Variants in SUGCT observed in about 807,000 individuals in gnomAD.
The protein encoded by SUGCT is succinyl-CoA:glutarate CoA-transferase.
SUGCT carries 41 observed loss-of-function variants against 55.0 expected under a neutral mutation model. That is an observed-to-expected ratio of 0.74 (90% CI 0.58 to 0.97). The LOEUF is 0.97. SUGCT is among the 50% of genes least tolerant of loss of function. The pLI is 0.00. For missense variants in SUGCT, 568 were observed against 547.8 expected (o/e 1.04, Z -0.37); for synonymous variants, 187 against 200.4 (o/e 0.93, Z 0.56).
At chr7:40,755,345 G>A (rs568813536) in intron 13 of SUGCT, among the ~76,000 whole-genome samples, 34 of 152,266 alleles carry the variant, frequency 2.2e-4, no homozygotes, top group African/African-American at 7.5e-4. Context: ...TTTAAACTGT[G>A]AAATTGATAG....
chr7:40,237,573 A>G lies in SUGCT; in HGVS notation c.485-62A>G, dbSNP rs557022633. ...GATACAAATGTTTCTAACACACTAT[A>G]TTGTACAGTGGTTTTAGCACACCCT... On this transcript the variant is annotated intron_variant, in intron 6 of 13. Coordinates refer to ENST00000335693, the MANE Select transcript of SUGCT (RefSeq NM_001193313.2). The G allele has an allele frequency of 3.6e-5, 44 of 1,215,620 alleles. No homozygotes were observed. The East Asian group carries it at 1.0e-3, about 28-fold the overall frequency. 75.3% of individuals were successfully genotyped at this position (1,215,620 alleles called of 1,614,324 possible). A position where few individuals can be genotyped will look rare whatever the true frequency, so the allele number is the denominator to read the frequency against.
chr7:40,244,512 GTTCAGAAGATGT>G (rs1458519050), intron 7 of SUGCT, among the ~76,000 whole-genome samples: 1 of 152,208 alleles, frequency 6.6e-6, no homozygotes, highest in Non-Finnish European at 1.5e-5. Flanking sequence ...TCAAAGTGAA[GTTCAGAAGATGT>G]TTCAGAAGGG....
At chr7:40,180,824 G>A (rs1785154470) in intron 1 of SUGCT, 123 bp from the exon 2 acceptor site, 1 of 733,008 alleles carries the variant, frequency 1.4e-6, no homozygotes, top group Non-Finnish European at 2.3e-6. Context: ...CTTGTGGTCT[G>A]TGGACTCCCT....
intron 9 of SUGCT, among the ~76,000 whole-genome samples, chr7:40,382,359 G>C (rs1784915586): frequency 6.6e-6 from 1 of 152,126 alleles, no homozygotes; most frequent in African/African-American, 2.4e-5. Flanking sequence ...AATTTGAAGT[G>C]AGCTTAGCTC....
At chr7:40,777,723 C>CA (rs1554419374) in intron 13 of SUGCT, among the ~76,000 whole-genome samples, 1 of 151,774 alleles carries the variant, frequency 6.6e-6, no homozygotes, top group Admixed American at 6.6e-5. Context: ...CTTTGGGGGC[C>CA]TTTTTTTTCT....
chr7:40,143,916 G>A (rs568603770), intron 1 of SUGCT, among the ~76,000 whole-genome samples: 1 of 152,332 alleles, frequency 6.6e-6, no homozygotes, highest in East Asian at 1.9e-4. Flanking sequence ...ATAATAACCT[G>A]TATTGGAATG....
At chr7:40,241,585 A>AC (rs1789395922) in intron 7 of SUGCT, among the ~76,000 whole-genome samples, 1 of 151,854 alleles carries the variant, frequency 6.6e-6, no homozygotes, top group Non-Finnish European at 1.5e-5. Flanking sequence ...TCTCAAAAAA[A>AC]AAAAAAAAAG....
At chr7:40,686,522 A>T (rs1784472301) in intron 12 of SUGCT, among the ~76,000 whole-genome samples, 1 of 152,204 alleles carries the variant, frequency 6.6e-6, no homozygotes, top group South Asian at 2.1e-4. Context: ...CGTGGCATTG[A>T]TAAGCTGACT....
At chr7:40,459,057 G>A (rs1789642806) in intron 10 of SUGCT, 44 bp from the exon 11 acceptor site, 2 of 1,323,664 alleles carry the variant, frequency 1.5e-6, no homozygotes, top group South Asian at 2.4e-5. Flanking sequence ...GCAGGTACAA[G>A]AACTACCTAT....
At chr7:40,984,456 C>T in the SUGCT span, among the ~76,000 whole-genome samples, 22 of 152,206 alleles carry the variant, frequency 1.4e-4, no homozygotes, top group South Asian at 2.1e-3. Context: ...GTGATGAAGC[C>T]AGACTGATCT....
chr7:40,553,179 T>C (rs1795387374), intron 12 of SUGCT, among the ~76,000 whole-genome samples: 1 of 152,236 alleles, frequency 6.6e-6, no homozygotes, highest in South Asian at 2.1e-4. Context: ...TTTACTTTTG[T>C]CATGCTGTAT....
At chr7:40,448,944 G>GTA (rs1789021406) in intron 9 of SUGCT, among the ~76,000 whole-genome samples, 1 of 148,202 alleles carries the variant, frequency 6.7e-6, no homozygotes, top group African/African-American at 2.6e-5. Flanking sequence ...GTGTGTGTGT[G>GTA]TGTGTGTATA....
rs759926043 is a variant in SUGCT, at chr7:40,578,062, C to T, written c.1089+81676C>T. The stretch of plus-strand genomic sequence containing the variant: ...GACATAGATTTCTCCATTACTCTAA[C>T]ACATTGGTTCTCAAACCTTAGTTTA... On this transcript the variant is annotated intron_variant, in intron 12 of 13. Transcript: ENST00000335693. Among the ~76,000 whole-genome samples the T allele has an allele frequency of 1.7e-4, 26 of 152,172 alleles. 1 individual carries two copies. Among genetic ancestry groups the T allele is most frequent in the Non-Finnish European group, 3.4e-4 (23 of 68,046 alleles).
intron 13 of SUGCT, among the ~76,000 whole-genome samples, chr7:40,858,640 A>G (rs193238420): frequency 1.7e-4 from 26 of 152,296 alleles, no homozygotes; most frequent in Middle Eastern, 6.8e-3. Flanking sequence ...TAAGGGTCAG[A>G]TGCCTAAACC....
chr7:40,283,261 C>T (rs1793090736), intron 8 of SUGCT, among the ~76,000 whole-genome samples: 1 of 151,228 alleles, frequency 6.6e-6, no homozygotes, highest in Middle Eastern at 3.4e-3. Context: ...CGGAGTCTTG[C>T]TCTGTCACCC....
At chr7:40,911,004 T>C in the SUGCT span, among the ~76,000 whole-genome samples, 4 of 152,140 alleles carry the variant, frequency 2.6e-5, no homozygotes, top group African/African-American at 9.7e-5. Flanking sequence ...GTTCTGATAA[T>C]AGGTACTAAA....
At chr7:40,681,419 A>T (rs1054529858) in intron 12 of SUGCT, among the ~76,000 whole-genome samples, 3 of 152,180 alleles carry the variant, frequency 2.0e-5, no homozygotes, top group Non-Finnish European at 2.9e-5. Flanking sequence ...TAATGGGTAG[A>T]GGTTCCAGGA....
chr7:40,249,313 C>CTATCTATCTATATATATCTATA (rs1324264789), intron 7 of SUGCT, among the ~76,000 whole-genome samples: 1 of 79,518 alleles, frequency 1.3e-5, no homozygotes, highest in African/African-American at 5.4e-5. Flanking sequence ...CACCAAAAAG[C>CTATCTATCTATATATATCTATA]TATATATATA....
At chr7:40,326,639 C>A (rs1317274235) in intron 9 of SUGCT, among the ~76,000 whole-genome samples, 3 of 152,108 alleles carry the variant, frequency 2.0e-5, no homozygotes, top group African/African-American at 7.2e-5. Flanking sequence ...CCAAATATAG[C>A]ATTATTAAAA....
Sources: gnomAD v4.1 joint callset for allele counts (sites outside exome capture counted in the v4.1 genomes callset) on GRCh38, gnomAD v4.1.1 for gene constraint, MANE v1.5 for transcripts, NCBI Gene and HGNC (gene_info 2026-07-23, HGNC 2026-07-21) for gene names.